Variants in RSKR observed in about 807,000 individuals in gnomAD.
RSKR encodes the protein ribosomal protein S6 kinase-related protein.
In RSKR, 44 loss-of-function variants were observed where a neutral mutation model predicts 56.8. The ratio of observed to expected loss-of-function variants is 0.77; its 90% CI spans 0.61 to 1.00. The LOEUF is 1.00. Among genes scored for constraint, RSKR ranks in the 50% least tolerant of loss-of-function variants. RSKR has a pLI of 0.00. For synonymous variants in RSKR, 181 were observed against 188.0 expected (o/e 0.96, Z 0.30); for missense variants, 510 against 506.9 (o/e 1.01, Z -0.06).
Position 28,611,413 on chromosome 17 carries a change from A to G in RSKR, c.880T>C (p.Phe294Leu), listed in dbSNP as rs773566680. The change falls in exon 10 of 12, where the codon TTC becomes CTC. Residue 294 changes from phenylalanine to leucine, a missense_variant. By Grantham distance (22) the Phe-to-Leu change is conservative. Transcript: ENST00000301037. ...CTCACCTTTCCAGTCGCCAGAGAGA[A>G]AAGCAAGACACCCAGGGACCACCAA... ...ADWWSLGVLL[F>L]SLATGKFPVA... The G allele has an allele frequency of 1.4e-5, 22 of 1,598,728 alleles. No individual in the cohort carries two copies. The highest frequency in any genetic ancestry group is 1.9e-5 in the Non-Finnish European group (22 of 1,177,902).
At position 28,610,714 on chromosome 17, in the gene RSKR, A is replaced by G; in HGVS notation, c.1012-15T>C. 1 of 1,535,066 alleles carries G rather than the reference A, an allele frequency of 6.5e-7. No individual in the cohort carries two copies. Among genetic ancestry groups the G allele is most frequent in the Non-Finnish European group, 8.7e-7 (1 of 1,145,944 alleles). The stretch of plus-strand genomic sequence containing the variant: ...TGGCATAAGAGCTGAAGGAAAATAG[A>G]GCATGAAGGATGAGTGACTAGGACA... On this transcript the variant is annotated splice_polypyrimidine_tract_variant and intron_variant, in intron 11 of 11. Transcript: ENST00000301037.
Position 28,608,311 on chromosome 17 carries a change from T to C in RSKR, c.*2167A>G, listed in dbSNP as rs1345181410. 1 of 152,214 alleles carries C rather than the reference T, an allele frequency of 6.6e-6. No individual in the cohort carries two copies. Among genetic ancestry groups the C allele is most frequent in the Non-Finnish European group, 1.5e-5 (1 of 68,040 alleles). The allele number at this position is 152,214 out of a possible 1,614,324, so 9.4% of individuals were successfully genotyped here. On this transcript the variant is annotated 3_prime_UTR_variant, in exon 12 of 12. Coordinates refer to ENST00000301037, the MANE Select transcript of RSKR (RefSeq NM_001174103.2). ...CTCCCACGCATTCTTAAATAGAATATTATGAACTGTTACGATAAACACCCT... is the reference window on the plus strand; with the variant it reads ...CTCCCACGCATTCTTAAATAGAATACTATGAACTGTTACGATAAACACCCT...
Position 28,610,367 on chromosome 17 carries a change from G to C in RSKR, c.*111C>G. The C allele has an allele frequency of 9.9e-7, 1 of 1,007,068 alleles. No individual in the cohort carries two copies. The highest frequency in any genetic ancestry group is 1.6e-5 in the South Asian group (1 of 64,344). The allele number at this position is 1,007,068 out of a possible 1,614,324, so 62.4% of individuals were successfully genotyped here. On this transcript the variant is annotated 3_prime_UTR_variant, in exon 12 of 12. Transcript: ENST00000301037. Reference sequence around the variant, plus strand: ...GTCTAAAGCCTAGGAGAGCAGAACGGTAAGAGGCTACAAAATAAAAACAAA... The same window carrying C: ...GTCTAAAGCCTAGGAGAGCAGAACGCTAAGAGGCTACAAAATAAAAACAAA...
chr17:28,611,153 A>G lies in RSKR; in HGVS notation c.1001T>C (p.Leu334Pro). The G allele has an allele frequency of 6.5e-7, 1 of 1,536,182 alleles. No individual in the cohort carries two copies. The highest frequency in any genetic ancestry group is 8.7e-7 in the Non-Finnish European group (1 of 1,146,764). The change falls in exon 11 of 12, where the codon CTG becomes CCG. Residue 334 changes from leucine (L) to proline (P), a missense_variant. Coordinates refer to ENST00000301037, the MANE Select transcript of RSKR (RefSeq NM_001174103.2). ...AGTGCTCATCCTTACCTCATGGAGCAGGAGTGAGAGGCCCTGGTTAAGAGA... is the reference window on the plus strand; with the variant it reads ...AGTGCTCATCCTTACCTCATGGAGCGGGAGTGAGAGGCCCTGGTTAAGAGA... Reference protein sequence around the residue: ...PASLNQGLSLLLHELLCQNPL... With the variant: ...PASLNQGLSLPLHELLCQNPL...
chr17:28,610,820 G>T, intron 11 of RSKR, 121 bp from the exon 12 acceptor site: 1 of 982,310 alleles, frequency 1.0e-6, no homozygotes, highest in Non-Finnish European at 1.5e-6. Flanking sequence ...ACCCTGAAGA[G>T]TAGATGATTT....
rs755097580 is a variant in RSKR at position 28,613,416 on chromosome 17, C to A, written c.324+24G>T. 4 of 1,614,196 alleles carry A rather than the reference C, an allele frequency of 2.5e-6. No homozygotes were observed. The South Asian group carries it at 3.3e-5, about 13-fold the overall frequency. On this transcript the variant is annotated intron_variant, in intron 2 of 11. Coordinates refer to ENST00000301037, the MANE Select transcript of RSKR (RefSeq NM_001174103.2). ...TAACTTCTCCCAAAGACTGAGACCC[C>A]ACTCAGGGATTCCACTGACTTACCT...
At chr17:28,610,883 C>T in intron 11 of RSKR, 184 bp from the exon 12 acceptor site, 1 of 693,144 alleles carries the variant, frequency 1.4e-6, no homozygotes, top group East Asian at 2.7e-5. Flanking sequence ...GAATAAGGAG[C>T]TGTGCTTGTG....
Position 28,612,287 on chromosome 17 carries a change from A to G in RSKR, c.627T>C (p.Phe209=), listed in dbSNP as rs1567633507. ...ACAGTACCAGCACCAACTCGGCAGC[A>G]AAGAGACGGATGGAAGCCTCAGGAA... ...GCFPEASIRL[F]AAELVLVLCY... is the part of the protein sequence containing the mutation. The change falls in exon 6 of 12, where the codon TTT becomes TTC. Residue 209 remains phenylalanine, a synonymous_variant. Coordinates refer to ENST00000301037, the MANE Select transcript of RSKR (RefSeq NM_001174103.2). The G allele has an allele frequency of 6.2e-7, 1 of 1,614,220 alleles. No individual in the cohort carries two copies. The highest frequency in any genetic ancestry group is 8.5e-7 in the Non-Finnish European group (1 of 1,180,022).
At chr17:28,611,357 G>A (rs922983092) in intron 10 of RSKR, 36 bp downstream of exon 10, 5 of 1,539,856 alleles carry the variant, frequency 3.2e-6, no homozygotes, top group Non-Finnish European at 4.4e-6. Context: ...ACAAGGCAAA[G>A]CTCTTCTCTG....
chr17:28,613,468 C>T lies in RSKR; in HGVS notation c.296G>A (p.Arg99Lys), dbSNP rs772877979. The T allele has an allele frequency of 7.4e-6, 12 of 1,614,058 alleles. No individual in the cohort carries two copies. Among genetic ancestry groups the T allele is most frequent in the Non-Finnish European group, 8.5e-6 (10 of 1,180,040 alleles). Residue 99 changes from arginine to lysine, a missense_variant, in exon 2 of 12, where the codon AGG (arginine) becomes AAG (lysine). Transcript: ENST00000301037. ...CAGCTGCTGCTGCCCCCTAATGGGC[C>T]TAATGGGAAACTCTGGTAGAAAGAG... is the stretch of plus-strand genomic sequence containing the variant. Reference protein sequence around the residue: ...INLFLPEFPIRPIRGQQQLKI... With the variant: ...INLFLPEFPIKPIRGQQQLKI...
chr17:28,611,814 GAAGT>G lies in RSKR; in HGVS notation c.694-23_694-20del, dbSNP rs1436730199. ...TCTCCATCTGAAAGATCACAGGTGA[GAAGT>G]AATTCTTCCTCTTCCTTTCAACTCT... On this transcript the variant is annotated intron_variant, in intron 7 of 11. Transcript: ENST00000301037. The G allele has an allele frequency of 6.2e-7, 1 of 1,614,068 alleles. No homozygotes were observed. Among genetic ancestry groups the G allele is most frequent in the Non-Finnish European group, 8.5e-7 (1 of 1,180,044 alleles).
chr17:28,608,636 G>A lies in RSKR; in HGVS notation c.*1842C>T, dbSNP rs541065205. The A allele has an allele frequency of 2.6e-5, 4 of 152,268 alleles. No individual in the cohort carries two copies. In the South Asian group the frequency reaches 8.3e-4, roughly 32 times the overall value. 9.4% of individuals were successfully genotyped at this position (152,268 alleles called of 1,614,324 possible). ...CTCCCAAAGTGCTGGGATTACAAGTGTGAGCCACCACACCTGGCGAGCAAT... is the reference window on the plus strand; with the variant it reads ...CTCCCAAAGTGCTGGGATTACAAGTATGAGCCACCACACCTGGCGAGCAAT... On this transcript the variant is annotated 3_prime_UTR_variant, in exon 12 of 12. Coordinates refer to ENST00000301037, the MANE Select transcript of RSKR (RefSeq NM_001174103.2).
Position 28,608,001 on chromosome 17 carries a change from T to C in RSKR, c.*2477A>G, listed in dbSNP as rs1274911875. On this transcript the variant is annotated 3_prime_UTR_variant, in exon 12 of 12. Transcript: ENST00000301037. ...GCCTTATTTATTTATATCCCAACCTTATTACAAAAAGGCTTACAAGATGCA... is the reference window on the plus strand; with the variant it reads ...GCCTTATTTATTTATATCCCAACCTCATTACAAAAAGGCTTACAAGATGCA... 2.6e-5 allele frequency: 4 copies of C among 152,136 alleles called. No homozygotes were observed. The highest frequency in any genetic ancestry group is 5.9e-5 in the Non-Finnish European group (4 of 68,026). 9.4% of individuals were successfully genotyped at this position (152,136 alleles called of 1,614,324 possible).
At chr17:28,611,284 G>A (rs1463435636) in intron 10 of RSKR, 31 bp from the exon 11 acceptor site, 3 of 1,533,008 alleles carry the variant, frequency 2.0e-6, no homozygotes, top group Non-Finnish European at 2.6e-6. Flanking sequence ...TGGAGGTAGG[G>A]GTAGGGGTTC....
intron 6 of RSKR, 26 bp downstream of exon 6, chr17:28,612,236 A>G (rs756517180): frequency 3.1e-6 from 5 of 1,610,912 alleles, no homozygotes; most frequent in Non-Finnish European, 4.2e-6. Flanking sequence ...TTCCCTCCCC[A>G]TTTCCTTTAC....
At position 28,611,550 on chromosome 17, in the gene RSKR, G is replaced by C; in HGVS notation, c.811+17C>G. The C allele has an allele frequency of 6.4e-7, 1 of 1,557,154 alleles. No individual in the cohort carries two copies. ...CCTCCTGCCCAATGCTTACCCATCAGCTTTAACCTCTCTCACCCATGTACT... is the reference window on the plus strand; with the variant it reads ...CCTCCTGCCCAATGCTTACCCATCACCTTTAACCTCTCTCACCCATGTACT... On this transcript the variant is annotated intron_variant, in intron 9 of 11. Transcript: ENST00000301037.
At position 28,613,069 on chromosome 17, in the gene RSKR, T is replaced by A; in HGVS notation, c.477+9A>T. 6.2e-7 allele frequency: 1 copy of A among 1,613,892 alleles called. No homozygotes were observed. The highest frequency in any genetic ancestry group is 8.5e-7 in the Non-Finnish European group (1 of 1,179,784). Reference sequence around the variant, plus strand: ...CTTCCCACAATCCTTTCCAGGACTCTGTGCATACCTGGATGCTAACCTCCT... The same window carrying A: ...CTTCCCACAATCCTTTCCAGGACTCAGTGCATACCTGGATGCTAACCTCCT... On this transcript the variant is annotated intron_variant, in intron 4 of 11. Transcript: ENST00000301037.
intron 4 of RSKR, 159 bp from the exon 5 acceptor site, chr17:28,612,846 T>C (rs112164482): frequency 3.8e-6 from 3 of 780,960 alleles, no homozygotes; most frequent in East Asian, 2.7e-5. Context: ...CTGGTAATCC[T>C]AGAACCAGCA....
At position 28,611,210 on chromosome 17, in the gene RSKR, C is replaced by T; in HGVS notation, c.944G>A (p.Ser315Asn). 6.5e-7 allele frequency: 1 copy of T among 1,536,274 alleles called. No homozygotes were observed. Among genetic ancestry groups the T allele is most frequent in the South Asian group, 1.2e-5 (1 of 84,068 alleles). Residue 315 changes from serine to asparagine, a missense_variant, in exon 11 of 12, where the codon AGT becomes AAT. Transcript: ENST00000301037. ...AERDHVAMLASVTHSDSEIPA... is the reference protein window; with the variant it reads ...AERDHVAMLANVTHSDSEIPA... ...GATCTCAGAGTCACTGTGGGTCACA[C>T]TTGCCAACATGGCCACATGATCTCT...
Sources: gnomAD v4.1 joint callset for allele counts on GRCh38, gnomAD v4.1.1 for gene constraint, MANE v1.5 for transcripts, NCBI Gene and HGNC (gene_info 2026-07-23, HGNC 2026-07-21) for gene names.